The following FRMD4B variants were observed in gnomAD, a reference collection of about 807,000 sequenced individuals.
FRMD4B encodes the protein FERM domain-containing protein 4B.
Under a neutral mutation model 141.5 loss-of-function variants are expected in FRMD4B, and 74 were observed. That is an observed-to-expected ratio of 0.52 (90% CI 0.43 to 0.63). The LOEUF (loss-of-function observed/expected upper bound fraction) is 0.63. Among genes scored for constraint, FRMD4B ranks in the 30% least tolerant of loss-of-function variants. The probability of loss-of-function intolerance (pLI) is 0.00; values close to 1 mark genes in which losing one functional copy is unlikely to be tolerated. For missense variants in FRMD4B, 1,366 were observed against 1,253.4 expected (o/e 1.09, Z -1.36); for synonymous variants, 506 against 467.9 (o/e 1.08, Z -1.05).
intron 5 of FRMD4B, among the ~76,000 whole-genome samples, chr3:69,284,076 G>C (rs1456096223): frequency 6.6e-6 from 1 of 152,096 alleles, no homozygotes; most frequent in Non-Finnish European, 1.5e-5. Context: ...CGAGCCCTAT[G>C]ACTGCCCCCA....
At chr3:69,292,624 C>A (rs1234754407) in intron 4 of FRMD4B, among the ~76,000 whole-genome samples, 1 of 152,148 alleles carries the variant, frequency 6.6e-6, no homozygotes, top group Admixed American at 6.5e-5. Context: ...TCCACAATTC[C>A]ATCTCTCCCT....
chr3:69,356,444 G>A (rs1035244661), intron 1 of FRMD4B, among the ~76,000 whole-genome samples: 1 of 151,920 alleles, frequency 6.6e-6, no homozygotes, highest in African/African-American at 2.4e-5. Context: ...TTCCTGACCT[G>A]GAATATCAGA....
chr3:69,348,452 G>C (rs1703023127), intron 1 of FRMD4B, among the ~76,000 whole-genome samples: 1 of 152,136 alleles, frequency 6.6e-6, no homozygotes, highest in African/African-American at 2.4e-5. Flanking sequence ...CCAATCAATA[G>C]AAAAAGAGGG....
chr3:69,287,077 A>G (rs940818524), intron 5 of FRMD4B, among the ~76,000 whole-genome samples: 2 of 152,242 alleles, frequency 1.3e-5, no homozygotes, highest in Non-Finnish European at 2.9e-5. Context: ...TGCTGGGATT[A>G]CAAGCATGAG....
chr3:69,267,032 T>A (rs771660602), intron 5 of FRMD4B, among the ~76,000 whole-genome samples: 1 of 152,182 alleles, frequency 6.6e-6, no homozygotes, highest in Non-Finnish European at 1.5e-5. Context: ...CTTTGGTGTA[T>A]TGCAGATACC....
At chr3:69,442,087 A>C (rs1018036213) in intron 1 of FRMD4B, among the ~76,000 whole-genome samples, 1 of 151,942 alleles carries the variant, frequency 6.6e-6, no homozygotes. Context: ...TGATTCACCA[A>C]AGAAGTTTCT....
At chr3:69,509,875 T>C (rs1373616344) in intron 1 of FRMD4B, among the ~76,000 whole-genome samples, 1 of 151,732 alleles carries the variant, frequency 6.6e-6, no homozygotes, top group African/African-American at 2.4e-5. Flanking sequence ...AAAGCGAGTA[T>C]CAAATATTGC....
rs1047424297 is a variant in FRMD4B, at chr3:69,508,234, A to T, written c.-129+33972T>A. ...AAGGGTAACATTTTACATAAGAAAA[A>T]AATAAAAACTTTTATTTTATTAAAC... On this transcript the variant is annotated intron_variant, in intron 1 of 5. Coordinates refer to the FRMD4B transcript ENST00000459638. 2.0e-5 allele frequency among the ~76,000 whole-genome samples: 3 copies of T among 152,228 alleles called. No homozygotes were observed. The South Asian group carries it at 6.2e-4, about 32-fold the overall frequency.
chr3:69,492,545 C>A (rs1706315864), intron 1 of FRMD4B, among the ~76,000 whole-genome samples: 3 of 152,142 alleles, frequency 2.0e-5, no homozygotes, highest in African/African-American at 7.2e-5. Context: ...ATATCTGATA[C>A]AAATATACAT....
intron 1 of FRMD4B, among the ~76,000 whole-genome samples, chr3:69,515,429 T>C (rs1700739585): frequency 6.6e-6 from 1 of 152,246 alleles, no homozygotes; most frequent in Non-Finnish European, 1.5e-5. Flanking sequence ...TATTTTGAAG[T>C]CTTTTGCATG....
chr3:69,341,493 G>C (rs960193273), intron 1 of FRMD4B, among the ~76,000 whole-genome samples: 3 of 152,204 alleles, frequency 2.0e-5, no homozygotes, highest in Non-Finnish European at 4.4e-5. Context: ...GGCTGCAGGA[G>C]TGGAGGTGGC....
intron 1 of FRMD4B, among the ~76,000 whole-genome samples, chr3:69,355,881 C>T (rs1703302400): frequency 6.6e-6 from 1 of 152,034 alleles, no homozygotes; most frequent in African/African-American, 2.4e-5. Flanking sequence ...AAAAATTAGC[C>T]AGGTGTGGTG....
intron 1 of FRMD4B, among the ~76,000 whole-genome samples, chr3:69,325,085 A>AGAGAG: frequency 1.3e-5 from 1 of 79,996 alleles, no homozygotes; most frequent in African/African-American, 4.7e-5. Flanking sequence ...TAAAAAAAAA[A>AGAGAG]AAAGAAAGAA....
intron 5 of FRMD4B, among the ~76,000 whole-genome samples, chr3:69,270,569 C>CTTTTTTTTTTTTTT (rs57693333): frequency 6.9e-6 from 1 of 144,802 alleles, no homozygotes; most frequent in Non-Finnish European, 1.5e-5. Context: ...TTCTTTTTTT[C>CTTTTTTTTTTTTTT]TTTTTTTTTT....
At chr3:69,198,414 A>C in intron 12 of FRMD4B, 1 of 381,262 alleles carries the variant, frequency 2.6e-6, no homozygotes, top group Non-Finnish European at 4.8e-6. Context: ...TAAACTATAC[A>C]TGCACACAAA....
chr3:69,193,366 G>C (rs1015708998), intron 17 of FRMD4B, among the ~76,000 whole-genome samples: 3 of 152,246 alleles, frequency 2.0e-5, no homozygotes, highest in African/African-American at 7.2e-5. Flanking sequence ...AAATTAGCTA[G>C]GTGTGGTGGC....
intron 2 of FRMD4B, among the ~76,000 whole-genome samples, chr3:69,429,204 T>C (rs761564527): frequency 2.4e-4 from 36 of 152,218 alleles, no homozygotes; most frequent in Non-Finnish European, 4.6e-4. Context: ...ATTATAACAA[T>C]GCTAAAGTGA....
chr3:69,251,618 G>A (rs79919749), intron 5 of FRMD4B, among the ~76,000 whole-genome samples: 2,427 of 152,304 alleles, frequency 0.016, 65 homozygotes, highest in African/African-American at 0.055. Context: ...TCTGAAACCT[G>A]AGGAGAGGAT....
chr3:69,497,874 C>T (rs765574793), intron 1 of FRMD4B, among the ~76,000 whole-genome samples: 10 of 152,184 alleles, frequency 6.6e-5, no homozygotes, highest in Non-Finnish European at 1.2e-4. Flanking sequence ...GCACATGCCA[C>T]CATGTCTGGC....
Sources: allele counts gnomAD v4.1 joint callset (sites outside exome capture counted in the v4.1 genomes callset), GRCh38; gene constraint gnomAD v4.1.1; transcripts MANE v1.5; gene names NCBI Gene and HGNC (gene_info 2026-07-23, HGNC 2026-07-21).